The following ARHGEF28 variants were observed in gnomAD, a reference collection of about 807,000 sequenced individuals.
The protein encoded by ARHGEF28 is Rho guanine nucleotide exchange factor 28.
Under a neutral mutation model 206.6 loss-of-function variants are expected in ARHGEF28, and 152 were observed. The ratio of observed to expected loss-of-function variants is 0.74; its 90% CI spans 0.64 to 0.84. The LOEUF (loss-of-function observed/expected upper bound fraction) is 0.84. Among genes scored for constraint, ARHGEF28 ranks in the 40% least tolerant of loss-of-function variants. The pLI is 0.00. For missense variants in ARHGEF28, 2,028 were observed against 2,073.2 expected (o/e 0.98, Z 0.42); for synonymous variants, 763 against 776.4 (o/e 0.98, Z 0.29).
At chr5:73,871,888 G>A (rs919038805) in intron 21 of ARHGEF28, among the ~76,000 whole-genome samples, 1 of 152,282 alleles carries the variant, frequency 6.6e-6, no homozygotes, top group South Asian at 2.1e-4. Context: ...TTGTCACCTA[G>A]CATACTGTTT....
chr5:73,876,665 T>C (rs1236551403), intron 22 of ARHGEF28, among the ~76,000 whole-genome samples: 4 of 150,788 alleles, frequency 2.7e-5, no homozygotes, highest in African/African-American at 9.7e-5. Context: ...CTTTTCTGCA[T>C]CTATTGAGAT....
chr5:73,824,609 C>T (rs1469629188), intron 9 of ARHGEF28, among the ~76,000 whole-genome samples: 1 of 152,026 alleles, frequency 6.6e-6, no homozygotes, highest in Non-Finnish European at 1.5e-5. Flanking sequence ...GCTGGGATTA[C>T]AGCATGCGCC....
intron 2 of ARHGEF28, among the ~76,000 whole-genome samples, chr5:73,733,576 G>T (rs1467027601): frequency 6.6e-6 from 1 of 151,936 alleles, no homozygotes; most frequent in Non-Finnish European, 1.5e-5. Flanking sequence ...TAAAATCTCA[G>T]AAATCACCAC....
chr5:73,915,580 A>C (rs1763164275), intron 35 of ARHGEF28, among the ~76,000 whole-genome samples: 1 of 152,188 alleles, frequency 6.6e-6, no homozygotes, highest in Admixed American at 6.5e-5. Context: ...CTGTGGGACA[A>C]TTGCTATGTA....
intron 4 of ARHGEF28, among the ~76,000 whole-genome samples, chr5:73,756,275 G>A (rs932213840): frequency 2.0e-5 from 3 of 152,304 alleles, no homozygotes; most frequent in South Asian, 4.1e-4. Context: ...CATATATAGA[G>A]TGTATTGTAT....
At chr5:73,924,400 T>C (rs1162787975) in intron 35 of ARHGEF28, among the ~76,000 whole-genome samples, 4 of 152,188 alleles carry the variant, frequency 2.6e-5, no homozygotes, top group Admixed American at 2.0e-4. Context: ...ATCTCTACAG[T>C]TGGATTTCTG....
intron 12 of ARHGEF28, 146 bp downstream of exon 12, chr5:73,846,621 T>G (rs1758384423): frequency 2.7e-6 from 2 of 729,710 alleles, no homozygotes; most frequent in South Asian, 4.1e-5. Flanking sequence ...TGATTGAGTC[T>G]GTCTTTTTAA....
chr5:73,658,987 A>ACACACACACG (rs1554051353), intron 1 of ARHGEF28, among the ~76,000 whole-genome samples: 21 of 150,124 alleles, frequency 1.4e-4, no homozygotes, highest in Admixed American at 2.7e-4. Flanking sequence ...ACACACACAC[A>ACACACACACG]CACACACACA....
chr5:73,886,024 A>C lies in ARHGEF28; in HGVS notation c.3230A>C (p.Lys1077Thr). 6.2e-7 allele frequency: 1 copy of C among 1,613,982 alleles called. No individual in the cohort carries two copies. The highest frequency in any genetic ancestry group is 8.5e-7 in the Non-Finnish European group (1 of 1,179,878). Reference protein sequence around the residue: ...TKLKNGHVFRKQALMSEERTL... With the variant: ...TKLKNGHVFRTQALMSEERTL... Reference sequence around the variant, plus strand: ...CTCAAAAATGGACATGTGTTTAGGAAGCAGGCACTGATGAGTGAAGAAAGG... The same window carrying C: ...CTCAAAAATGGACATGTGTTTAGGACGCAGGCACTGATGAGTGAAGAAAGG... The change falls in exon 25 of 36, where the codon AAG becomes ACG. Residue 1077 changes from lysine to threonine, a missense_variant. By Grantham distance (78) the Lys-to-Thr change is moderately conservative. Transcript: ENST00000513042.
Position 73,774,057 on chromosome 5 carries a change from T to C in ARHGEF28, c.659+19T>C, listed in dbSNP as rs767016471. Reference sequence around the variant, plus strand: ...TCACAAAGTGAGTTTAGCTACTTGATAGTCTCTCTCTTATTTGTATAAAGT... The same window carrying C: ...TCACAAAGTGAGTTTAGCTACTTGACAGTCTCTCTCTTATTTGTATAAAGT... On this transcript the variant is annotated intron_variant, in intron 5 of 35. Transcript: ENST00000513042. The C allele has an allele frequency of 1.2e-5, 19 of 1,560,920 alleles. No homozygotes were observed. In the South Asian group the frequency reaches 2.3e-4, roughly 19 times the overall value.
At chr5:73,815,528 A>G (rs999611749) in intron 9 of ARHGEF28, among the ~76,000 whole-genome samples, 3 of 152,182 alleles carry the variant, frequency 2.0e-5, no homozygotes, top group Non-Finnish European at 4.4e-5. Context: ...CGTTCTGTAG[A>G]GTCTACCAAA....
intron 7 of ARHGEF28, among the ~76,000 whole-genome samples, chr5:73,794,054 T>TCA (rs1754644262): frequency 6.6e-6 from 1 of 152,194 alleles, no homozygotes; most frequent in African/African-American, 2.4e-5. Flanking sequence ...TGGGTACGAG[T>TCA]CACGTCCTTA....
At chr5:73,794,521 G>T (rs936857747) in intron 8 of ARHGEF28, 67 bp downstream of exon 8, 19 of 1,305,234 alleles carry the variant, frequency 1.5e-5, no homozygotes, top group Admixed American at 1.2e-4. Context: ...AGATTTAGTG[G>T]TAATAAAAAT....
intron 33 of ARHGEF28, among the ~76,000 whole-genome samples, chr5:73,906,417 C>T (rs1366473961): frequency 6.6e-6 from 1 of 152,052 alleles, no homozygotes; most frequent in Non-Finnish European, 1.5e-5. Flanking sequence ...TTTTCTATTT[C>T]ACCATGTTGC....
At chr5:73,724,828 G>A (rs1488686580) in intron 2 of ARHGEF28, among the ~76,000 whole-genome samples, 1 of 152,074 alleles carries the variant, frequency 6.6e-6, no homozygotes, top group African/African-American at 2.4e-5. Flanking sequence ...CCAGTTTTTG[G>A]TGATTACAAA....
chr5:73,904,651 T>C (rs1762452098), intron 33 of ARHGEF28: 2 of 503,556 alleles, frequency 4.0e-6, no homozygotes, highest in South Asian at 3.6e-5. Flanking sequence ...AAAATATTGA[T>C]GAATATGATC....
intron 13 of ARHGEF28, among the ~76,000 whole-genome samples, chr5:73,849,323 T>C (rs1195311693): frequency 6.6e-6 from 1 of 152,146 alleles, no homozygotes; most frequent in Non-Finnish European, 1.5e-5. Flanking sequence ...TCTGTTACTT[T>C]ATTCTTTGAA....
At chr5:73,753,762 C>T (rs1752154380) in intron 4 of ARHGEF28, among the ~76,000 whole-genome samples, 1 of 152,162 alleles carries the variant, frequency 6.6e-6, no homozygotes, top group Non-Finnish European at 1.5e-5. Context: ...GTGAACAAGG[C>T]TATAGATGTT....
chr5:73,691,726 T>C (rs1747844024), intron 2 of ARHGEF28, among the ~76,000 whole-genome samples: 1 of 152,238 alleles, frequency 6.6e-6, no homozygotes, highest in Non-Finnish European at 1.5e-5. Flanking sequence ...AACTCAGTGA[T>C]ACTTTGTATA....
Sources: allele counts gnomAD v4.1 joint callset (sites outside exome capture counted in the v4.1 genomes callset), GRCh38; gene constraint gnomAD v4.1.1; transcripts MANE v1.5; gene names NCBI Gene and HGNC (gene_info 2026-07-23, HGNC 2026-07-21).